PLPPR1: variants seen among roughly 807,000 people sequenced by gnomAD.
The protein encoded by PLPPR1 is phospholipid phosphatase-related protein type 1.
Under a neutral mutation model 33.1 loss-of-function variants are expected in PLPPR1, and 10 were observed. The observed-to-expected ratio is 0.30, with a 90% CI of 0.19 to 0.51. PLPPR1 has a LOEUF of 0.51. Ranked by LOEUF, PLPPR1 falls within the 20% of genes least tolerant of loss-of-function variation. The pLI is 0.97. For missense variants in PLPPR1, 304 were observed against 408.1 expected (o/e 0.74, Z 2.20); for synonymous variants, 151 against 151.0 (o/e 1.00, Z 0.00).
At chr9:101,077,394 T>G (rs2118501279) in intron 1 of PLPPR1, among the ~76,000 whole-genome samples, 1 of 152,386 alleles carries the variant, frequency 6.6e-6, no homozygotes, top group South Asian at 2.1e-4. Context: ...GAAACTTTGC[T>G]GCCTTTGTTT....
At chr9:101,187,827 T>A (rs1275465536) in intron 2 of PLPPR1, 3 of 152,016 alleles carry the variant, frequency 2.0e-5, no homozygotes, top group Non-Finnish European at 4.4e-5. Flanking sequence ...TCATATTTGC[T>A]TCAAATATTT....
At chr9:101,313,375 A>C (rs1564035531) in intron 6 of PLPPR1, among the ~76,000 whole-genome samples, 1 of 152,212 alleles carries the variant, frequency 6.6e-6, no homozygotes. Flanking sequence ...AATGAAGAGC[A>C]CTGGTAGAAG....
chr9:101,295,159 A>C (rs1316212788), intron 4 of PLPPR1, among the ~76,000 whole-genome samples: 1 of 151,862 alleles, frequency 6.6e-6, no homozygotes, highest in African/African-American at 2.4e-5. Flanking sequence ...CACCAATAAC[A>C]GACAAACAGA....
chr9:101,242,545 T>C (rs1827497000), intron 2 of PLPPR1, among the ~76,000 whole-genome samples: 1 of 152,074 alleles, frequency 6.6e-6, no homozygotes, highest in African/African-American at 2.4e-5. Context: ...ATGATGTTGG[T>C]GCCTGATTGT....
intron 1 of PLPPR1, among the ~76,000 whole-genome samples, chr9:101,067,111 A>C (rs1195674741): frequency 1.3e-5 from 2 of 152,002 alleles, no homozygotes; most frequent in African/African-American, 4.8e-5. Context: ...GACAGTGTTC[A>C]TTTGCAATGA....
rs80038666 is a variant in PLPPR1, at chr9:101,272,402, G to A, written c.252+2334G>A. ...AACAAGAAAAATATGTATGTAAAGC[G>A]CTTAGAAAGTGAGTCCACATAAATA... On this transcript the variant is annotated intron_variant, in intron 3 of 7. Coordinates refer to ENST00000374874, the MANE Select transcript of PLPPR1 (RefSeq NM_207299.2). Among the ~76,000 whole-genome samples, 88 of 152,268 alleles carry A rather than the reference G, an allele frequency of 5.8e-4. No individual in the cohort carries two copies. The East Asian group carries it at 0.015, about 26-fold the overall frequency.
intron 1 of PLPPR1, among the ~76,000 whole-genome samples, chr9:101,173,999 C>T (rs1185483812): frequency 6.6e-6 from 1 of 151,996 alleles, no homozygotes. Flanking sequence ...TCCACAAAAA[C>T]TTTAAAAATT....
intron 2 of PLPPR1, among the ~76,000 whole-genome samples, chr9:101,210,840 T>C (rs1476039083): frequency 6.6e-6 from 1 of 152,224 alleles, no homozygotes; most frequent in East Asian, 1.9e-4. Flanking sequence ...CGATCTCAGC[T>C]CACTGCAAGC....
chr9:101,047,201 C>T (rs568633361), intron 1 of PLPPR1, among the ~76,000 whole-genome samples: 2 of 152,196 alleles, frequency 1.3e-5, no homozygotes, highest in Admixed American at 6.5e-5. Context: ...TTCCCCTCCT[C>T]TCATATACAT....
rs146731267 is a variant in PLPPR1, at chr9:101,146,546, C to T, written c.-45-38904C>T. The stretch of plus-strand genomic sequence containing the variant: ...TGTCCTGTCCTTCTTTTGGATTACC[C>T]GGGAATTTTAGAAACCAGTGAAGTA... On this transcript the variant is annotated intron_variant, in intron 1 of 7. Transcript: ENST00000374874. 7.9e-5 allele frequency among the ~76,000 whole-genome samples: 12 copies of T among 152,280 alleles called. No homozygotes were observed. The East Asian group carries it at 1.7e-3, about 22-fold the overall frequency.
intron 1 of PLPPR1, among the ~76,000 whole-genome samples, chr9:101,030,962 TG>T (rs1296439821): frequency 7.0e-6 from 1 of 142,280 alleles, no homozygotes; most frequent in Non-Finnish European, 1.5e-5. Flanking sequence ...AAGCAGGGGG[TG>T]GGGGGGAATT....
intron 1 of PLPPR1, among the ~76,000 whole-genome samples, chr9:101,143,578 A>G (rs1017518482): frequency 1.3e-5 from 2 of 152,208 alleles, no homozygotes; most frequent in African/African-American, 4.8e-5. Context: ...AAACAAATTT[A>G]CAAGAAAAAA....
intron 2 of PLPPR1, among the ~76,000 whole-genome samples, chr9:101,269,029 A>C (rs1828047584): frequency 6.6e-6 from 1 of 152,134 alleles, no homozygotes; most frequent in South Asian, 2.1e-4. Context: ...TTTTCTATCT[A>C]CCTTTATTCA....
At chr9:101,262,116 A>G (rs1827910343) in intron 2 of PLPPR1, among the ~76,000 whole-genome samples, 1 of 152,222 alleles carries the variant, frequency 6.6e-6, no homozygotes, top group African/African-American at 2.4e-5. Context: ...AGGAGTCTTG[A>G]AAGATACACA....
intron 1 of PLPPR1, among the ~76,000 whole-genome samples, chr9:101,092,266 C>T (rs2118533905): frequency 6.6e-6 from 1 of 152,238 alleles, no homozygotes; most frequent in South Asian, 2.1e-4. Context: ...GTTATATGTC[C>T]CTACTTCCCT....
intron 7 of PLPPR1, among the ~76,000 whole-genome samples, chr9:101,321,664 A>T (rs570718292): frequency 6.6e-6 from 1 of 151,682 alleles, no homozygotes; most frequent in Admixed American, 6.6e-5. Context: ...ATTAGAAATG[A>T]AACAACTGTG....
At chr9:101,048,131 A>G (rs572335192) in intron 1 of PLPPR1, among the ~76,000 whole-genome samples, 55 of 152,240 alleles carry the variant, frequency 3.6e-4, no homozygotes, top group African/African-American at 1.3e-3. Context: ...GCCCAATTTC[A>G]TTTCTTCTTC....
intron 1 of PLPPR1, among the ~76,000 whole-genome samples, chr9:101,136,969 TA>T (rs1831385291): frequency 6.6e-6 from 1 of 152,188 alleles, no homozygotes; most frequent in African/African-American, 2.4e-5. Context: ...TTTTACATTT[TA>T]AAATGGCTAA....
chr9:101,099,138 T>C (rs2987733), intron 1 of PLPPR1, among the ~76,000 whole-genome samples: 14 of 150,094 alleles, frequency 9.3e-5, no homozygotes, highest in Admixed American at 9.3e-4. Context: ...TGTTGGTCAG[T>C]GGGGATGTGA....
Sources: allele counts gnomAD v4.1 joint callset (sites outside exome capture counted in the v4.1 genomes callset), GRCh38; gene constraint gnomAD v4.1.1; transcripts MANE v1.5; gene names NCBI Gene and HGNC (gene_info 2026-07-23, HGNC 2026-07-21).